The following ZC3H11A variants were observed in gnomAD, a reference collection of about 807,000 sequenced individuals.
ZC3H11A encodes the protein zinc finger CCCH domain-containing protein 11A.
Under a neutral mutation model 90.8 loss-of-function variants are expected in ZC3H11A, and 22 were observed. The ratio of observed to expected loss-of-function variants is 0.24; its 90% CI spans 0.17 to 0.35. The LOEUF is 0.35. Ranked by LOEUF, ZC3H11A falls within the 10% of genes least tolerant of loss-of-function variation. The pLI is 1.00. For missense variants in ZC3H11A, 701 were observed against 964.9 expected, an observed-to-expected ratio of 0.73 and a Z score of 3.62; for synonymous variants, 294 against 339.8, an observed-to-expected ratio of 0.87 and a Z score of 1.48.
At chr1:203,838,812 G>T (rs938499695) in intron 11 of ZC3H11A, among the ~76,000 whole-genome samples, 1 of 152,002 alleles carries the variant, frequency 6.6e-6, no homozygotes, top group Non-Finnish European at 1.5e-5. Flanking sequence ...AATTAGCTGG[G>T]CAGGGTGGCA....
chr1:203,840,610 T>C (rs1053584263), intron 12 of ZC3H11A, among the ~76,000 whole-genome samples: 13 of 148,412 alleles, frequency 8.8e-5, no homozygotes, highest in Non-Finnish European at 1.9e-4. Context: ...AGGAAATTAT[T>C]TATTTATTTA....
chr1:203,847,081 G>A lies in ZC3H11A; in HGVS notation c.1043-103G>A. 6 of 1,243,760 alleles carry A rather than the reference G, an allele frequency of 4.8e-6. No individual in the cohort carries two copies. In the South Asian group the frequency reaches 8.5e-5, roughly 18 times the overall value. The allele number at this position is 1,243,760 out of a possible 1,614,324, so 77.0% of individuals were successfully genotyped here. On this transcript the variant is annotated intron_variant, in intron 12 of 17. Transcript: ENST00000367210. The stretch of plus-strand genomic sequence containing the variant: ...GATCCTTTTAATTGCCTGCTTAAAT[G>A]ATAGCTCTCTGTTGGACTGTCTTGA...
chr1:203,831,793 G>C lies in ZC3H11A; in HGVS notation c.811+22G>C, dbSNP rs775897965. ...CAAGGTAAGGTATAGATAGGTCTTA[G>C]AGTTGTCAAGCCTCTACTTTTATAT... On this transcript the variant is annotated intron_variant, in intron 9 of 17. Transcript: ENST00000367210. 7 of 1,577,952 alleles carry C rather than the reference G, an allele frequency of 4.4e-6. No individual in the cohort carries two copies. The South Asian group carries it at 8.0e-5, about 18-fold the overall frequency.
intron 11 of ZC3H11A, among the ~76,000 whole-genome samples, chr1:203,839,956 A>G (rs1380312614): frequency 6.9e-6 from 1 of 145,070 alleles, no homozygotes; most frequent in Non-Finnish European, 1.5e-5. Context: ...GGCATGTGCC[A>G]CCACACCCGG....
intron 2 of ZC3H11A, among the ~76,000 whole-genome samples, chr1:203,811,000 G>T (rs61827263): frequency 0.13 from 19,072 of 151,758 alleles, 1,582 homozygotes; most frequent in East Asian, 0.29. Context: ...AATTAGCAGG[G>T]TATGGTGGTA....
chr1:203,802,699 A>G lies in ZC3H11A; in HGVS notation c.-463A>G, dbSNP rs1558092057. The G allele has an allele frequency of 1.4e-5, 2 of 145,458 alleles. No individual in the cohort carries two copies. The highest frequency in any genetic ancestry group is 5.1e-5 in the African/African-American group (2 of 39,122). The allele number at this position is 145,458 out of a possible 1,614,324, so 9.0% of individuals were successfully genotyped here. On this transcript the variant is annotated 5_prime_UTR_variant, in exon 2 of 18. Coordinates refer to ENST00000367210, the MANE Select transcript of ZC3H11A (RefSeq NM_001376342.1). The stretch of plus-strand genomic sequence containing the variant: ...TCATGATCCTTTAACTCTCAAGTTC[A>G]TCTTTAAATGAACTCTTTTTTTTTG...
chr1:203,840,778 C>T (rs116271813), intron 12 of ZC3H11A, among the ~76,000 whole-genome samples: 1,639 of 151,970 alleles, frequency 0.011, 38 homozygotes, highest in African/African-American at 0.038. Context: ...GAATTACAGG[C>T]GTACGCCACC....
chr1:203,799,497 T>C (rs1669851572), intron 1 of ZC3H11A: 1 of 703,080 alleles, frequency 1.4e-6, no homozygotes, highest in Non-Finnish European at 2.6e-6. Flanking sequence ...AAAATGGCTC[T>C]TGGAGCATTG....
chr1:203,813,971 G>GT (rs34130261), intron 2 of ZC3H11A, among the ~76,000 whole-genome samples: 31 of 146,160 alleles, frequency 2.1e-4, no homozygotes, highest in African/African-American at 4.0e-4. Context: ...ATACATTCTT[G>GT]TTTTTTTTTT....
intron 1 of ZC3H11A, chr1:203,797,265 A>C: frequency 3.4e-6 from 1 of 295,606 alleles, no homozygotes. Flanking sequence ...ACATGAGGAC[A>C]CTGGACTATT....
chr1:203,825,152 GC>G (rs1009036685), intron 4 of ZC3H11A, among the ~76,000 whole-genome samples: 1 of 150,870 alleles, frequency 6.6e-6, no homozygotes, highest in African/African-American at 2.4e-5. Flanking sequence ...TATTTGTCTT[GC>G]GTTTCATATT....
chr1:203,828,487 G>A, intron 5 of ZC3H11A, 65 bp downstream of exon 5: 1 of 1,531,604 alleles, frequency 6.5e-7, no homozygotes, highest in Non-Finnish European at 8.8e-7. Context: ...CTGTACAACA[G>A]TACTTTTCAG....
intron 3 of ZC3H11A, 98 bp from the exon 4 acceptor site, chr1:203,818,472 C>A: frequency 3.3e-6 from 5 of 1,516,952 alleles, no homozygotes; most frequent in Middle Eastern, 2.2e-4. Flanking sequence ...CTTTCTTACT[C>A]ATTTGTGCTT....
intron 2 of ZC3H11A, among the ~76,000 whole-genome samples, chr1:203,806,502 C>T (rs1225781412): frequency 6.6e-6 from 1 of 152,112 alleles, no homozygotes; most frequent in Non-Finnish European, 1.5e-5. Flanking sequence ...TAGGTTTCAC[C>T]ATGTTGGCCA....
At position 203,852,499 on chromosome 1, in the gene ZC3H11A, G is replaced by T; in HGVS notation, c.*100G>T. ...CTGAGATGATCATTTCTTTAGTCTAGAATTTGCCCCAAATCAGAAGTATAC... is the reference window on the plus strand; with the variant it reads ...CTGAGATGATCATTTCTTTAGTCTATAATTTGCCCCAAATCAGAAGTATAC... On this transcript the variant is annotated 3_prime_UTR_variant, in exon 18 of 18. Transcript: ENST00000367210. 1 of 1,371,006 alleles carries T rather than the reference G, an allele frequency of 7.3e-7. No homozygotes were observed. The highest frequency in any genetic ancestry group is 1.5e-5 in the South Asian group (1 of 68,260). 84.9% of individuals were successfully genotyped at this position (1,371,006 alleles called of 1,614,324 possible). A position where few individuals can be genotyped will look rare whatever the true frequency, so the allele number is the denominator to read the frequency against.
At chr1:203,811,634 G>A (rs1174357260) in intron 2 of ZC3H11A, among the ~76,000 whole-genome samples, 1 of 152,018 alleles carries the variant, frequency 6.6e-6, no homozygotes, top group Non-Finnish European at 1.5e-5. Context: ...TTAGCCTCCC[G>A]AGTAGCTGAG....
At chr1:203,848,224 A>T in intron 13 of ZC3H11A, 107 bp from the exon 14 acceptor site, 1 of 914,948 alleles carries the variant, frequency 1.1e-6, no homozygotes, top group Non-Finnish European at 1.7e-6. Flanking sequence ...CTGTAATTTT[A>T]TTTGTCCTGT....
At chr1:203,800,291 C>A in intron 1 of ZC3H11A, 1 of 918,954 alleles carries the variant, frequency 1.1e-6, no homozygotes, top group Non-Finnish European at 1.7e-6. Context: ...CTAAAAATAG[C>A]CACTTTCATC....
chr1:203,853,990 T>A lies in ZC3H11A; in HGVS notation c.*1591T>A, dbSNP rs559825516. On this transcript the variant is annotated 3_prime_UTR_variant, in exon 18 of 18. Coordinates refer to ENST00000367210, the MANE Select transcript of ZC3H11A (RefSeq NM_001376342.1). ...TATATTCTTTATTCTTTTGCTTTTTTAAAAAATAATTTTGTTTCATATTTA... is the reference window on the plus strand; with the variant it reads ...TATATTCTTTATTCTTTTGCTTTTTAAAAAAATAATTTTGTTTCATATTTA... The A allele has an allele frequency of 6.5e-6, 1 of 152,816 alleles. No individual in the cohort carries two copies. Among genetic ancestry groups the A allele is most frequent in the East Asian group, 1.9e-4 (1 of 5,194 alleles). The allele number at this position is 152,816 out of a possible 1,614,324, so 9.5% of individuals were successfully genotyped here. A position where few individuals can be genotyped will look rare whatever the true frequency, so the allele number is the denominator to read the frequency against.
Sources: allele counts gnomAD v4.1 joint callset (sites outside exome capture counted in the v4.1 genomes callset), GRCh38; gene constraint gnomAD v4.1.1; transcripts MANE v1.5; gene names NCBI Gene and HGNC (gene_info 2026-07-23, HGNC 2026-07-21).